GIGYF2: variants seen among roughly 807,000 people sequenced by gnomAD.
GIGYF2 encodes GRB10-interacting GYF protein 2.
Under a neutral mutation model 208.1 loss-of-function variants are expected in GIGYF2, and 25 were observed. The ratio of observed to expected loss-of-function variants is 0.12; its 90% CI spans 0.09 to 0.17. The LOEUF is 0.17. Among genes scored for constraint, GIGYF2 ranks in the 10% least tolerant of loss-of-function variants. GIGYF2 has a pLI of 1.00. For missense variants in GIGYF2, 1,302 were observed against 1,579.4 expected (o/e 0.82, Z 2.98); for synonymous variants, 534 against 543.8 (o/e 0.98, Z 0.25).
rs76556984 is a variant in GIGYF2 at position 232,747,331 on chromosome 2, G to T, written c.42-284G>T. 0.06 allele frequency among the ~76,000 whole-genome samples: 9,116 copies of T among 152,054 alleles called. 290 individuals carry two copies. Among genetic ancestry groups the T allele is most frequent in the Non-Finnish European group, 0.076 (5,140 of 67,976 alleles). ...AATCATATGCGCCTTTTAAAATTTG[G>T]AAAAATGTGTCCCTTTTTCATTCTC... On this transcript the variant is annotated intron_variant, in intron 3 of 28. Coordinates refer to ENST00000373563, the MANE Select transcript of GIGYF2 (RefSeq NM_001103146.3).
intron 2 of GIGYF2, among the ~76,000 whole-genome samples, chr2:232,727,501 T>C (rs535417192): frequency 6.6e-6 from 1 of 152,202 alleles, no homozygotes; most frequent in Non-Finnish European, 1.5e-5. Context: ...CCTCAGGAAA[T>C]GGGAATAGCG....
intron 2 of GIGYF2, among the ~76,000 whole-genome samples, chr2:232,731,754 T>C (rs565158062): frequency 3.9e-5 from 6 of 152,224 alleles, no homozygotes; most frequent in Non-Finnish European, 7.3e-5. Context: ...ATAATTTTAA[T>C]TGAATCTAAC....
intron 8 of GIGYF2, chr2:232,767,886 G>T: frequency 2.8e-6 from 1 of 352,698 alleles, no homozygotes; most frequent in Non-Finnish European, 5.3e-6. Context: ...AAACTTCACT[G>T]TCCATTTTGC....
chr2:232,768,499 G>C lies in GIGYF2; in HGVS notation c.532+7063G>C. The C allele has an allele frequency of 1.2e-6, 2 of 1,614,136 alleles. No individual in the cohort carries two copies. The highest frequency in any genetic ancestry group is 8.5e-7 in the Non-Finnish European group (1 of 1,179,966). On this transcript the variant is annotated intron_variant, in intron 8 of 28. Transcript: ENST00000373563. ...AATTCAAAGTGAGAAGGATTTTCATGCTGGAGCAGAGTAGCCAGAGGACTT... is the reference window on the plus strand; with the variant it reads ...AATTCAAAGTGAGAAGGATTTTCATCCTGGAGCAGAGTAGCCAGAGGACTT...
chr2:232,854,361 C>CA (rs1424080365), intron 28 of GIGYF2, among the ~76,000 whole-genome samples: 2 of 152,150 alleles, frequency 1.3e-5, no homozygotes, highest in Non-Finnish European at 2.9e-5. Flanking sequence ...GGTGTGGTGG[C>CA]ACCCGCTTAT....
chr2:232,710,294 A>G (rs1696331173), intron 2 of GIGYF2, among the ~76,000 whole-genome samples: 1 of 151,850 alleles, frequency 6.6e-6, no homozygotes, highest in Non-Finnish European at 1.5e-5. Flanking sequence ...TCGCTATGTT[A>G]CCTAGGCTGG....
chr2:232,735,062 G>A (rs1329391492), intron 2 of GIGYF2, 93 bp from the exon 3 acceptor site: 5 of 673,348 alleles, frequency 7.4e-6, no homozygotes, highest in Non-Finnish European at 1.3e-5. Context: ...GTTGAGAGGA[G>A]CATAAATAAA....
chr2:232,738,792 C>A lies in GIGYF2; in HGVS notation c.41+3554C>A, dbSNP rs77012777. Reference sequence around the variant, plus strand: ...CTGATCATTTTATTTGGATTAATTTCTTGGAAGTGGAATTATTAAATCAAA... The same window carrying A: ...CTGATCATTTTATTTGGATTAATTTATTGGAAGTGGAATTATTAAATCAAA... On this transcript the variant is annotated intron_variant, in intron 3 of 28. Transcript: ENST00000373563. Among the ~76,000 whole-genome samples the A allele has an allele frequency of 7.0e-3, 1,063 of 152,140 alleles. 23 individuals are homozygous for A. Among genetic ancestry groups the A allele is most frequent in the East Asian group, 0.035 (184 of 5,184 alleles).
At chr2:232,711,713 A>ATG (rs927595422) in intron 2 of GIGYF2, among the ~76,000 whole-genome samples, 4 of 146,198 alleles carry the variant, frequency 2.7e-5, no homozygotes, top group African/African-American at 1.0e-4. Context: ...ATGTATATAT[A>ATG]TATATATATA....
intron 1 of GIGYF2, among the ~76,000 whole-genome samples, chr2:232,701,348 A>G (rs1027647499): frequency 1.3e-5 from 2 of 151,620 alleles, no homozygotes; most frequent in Non-Finnish European, 1.5e-5. Context: ...ACAGCCTGTG[A>G]TAGAGCAAGA....
intron 7 of GIGYF2, 47 bp downstream of exon 7, chr2:232,760,638 CTT>C: frequency 2.3e-6 from 3 of 1,299,088 alleles, no homozygotes; most frequent in Middle Eastern, 1.8e-4. Context: ...GCATATAAAA[CTT>C]ATATTTTTTG....
chr2:232,765,154 T>A (rs1213787355), intron 8 of GIGYF2: 3 of 152,218 alleles, frequency 2.0e-5, no homozygotes, highest in Admixed American at 2.0e-4. Flanking sequence ...TCAGGTTAAC[T>A]GCTAAAGATT....
intron 2 of GIGYF2, among the ~76,000 whole-genome samples, chr2:232,710,368 G>A (rs1696333988): frequency 2.0e-5 from 3 of 152,092 alleles, no homozygotes; most frequent in Middle Eastern, 3.2e-3. Flanking sequence ...GAGATTACAG[G>A]TATCAGCTAC....
chr2:232,705,215 A>G (rs1696037493), intron 2 of GIGYF2, among the ~76,000 whole-genome samples: 1 of 152,084 alleles, frequency 6.6e-6, no homozygotes, highest in East Asian at 1.9e-4. Flanking sequence ...GAAGCCATAT[A>G]GAATTCGCAG....
intron 12 of GIGYF2, 74 bp from the exon 13 acceptor site, chr2:232,794,674 G>T: frequency 8.6e-7 from 1 of 1,165,376 alleles, no homozygotes; most frequent in South Asian, 1.2e-5. Context: ...CAGGCTGTGC[G>T]ACTTGATAAT....
intron 12 of GIGYF2, among the ~76,000 whole-genome samples, chr2:232,794,240 C>T (rs1394391610): frequency 6.6e-6 from 1 of 152,160 alleles, no homozygotes; most frequent in Non-Finnish European, 1.5e-5. Flanking sequence ...GAACATCCTG[C>T]ACTGTACAGG....
intron 8 of GIGYF2, among the ~76,000 whole-genome samples, chr2:232,784,703 A>G (rs760519555): frequency 3.9e-4 from 59 of 152,084 alleles, no homozygotes; most frequent in Admixed American, 3.3e-4. Context: ...AAGCTGCAAT[A>G]TGGTTTTTGA....
At chr2:232,740,241 G>A (rs1168139903) in intron 3 of GIGYF2, among the ~76,000 whole-genome samples, 2 of 152,060 alleles carry the variant, frequency 1.3e-5, no homozygotes, top group Non-Finnish European at 2.9e-5. Context: ...AGGATTGCTC[G>A]GGCCTAGGCA....
At position 232,768,577 on chromosome 2, in the gene GIGYF2, C is replaced by T. The variant is rs761770948; in HGVS notation, c.532+7141C>T. ...AGTGGAAAGATGAAGAATGGACATT[C>T]GTCAGAACTGATGCCATCAAGGTGG... On this transcript the variant is annotated intron_variant, in intron 8 of 28. Transcript: ENST00000373563. 2.8e-5 allele frequency: 45 copies of T among 1,613,970 alleles called. No individual in the cohort carries two copies. The highest frequency in any genetic ancestry group is 3.2e-5 in the Non-Finnish European group (38 of 1,180,012).
Sources: gnomAD v4.1 joint callset for allele counts (sites outside exome capture counted in the v4.1 genomes callset) on GRCh38, gnomAD v4.1.1 for gene constraint, MANE v1.5 for transcripts, NCBI Gene and HGNC (gene_info 2026-07-23, HGNC 2026-07-21) for gene names.